ZNF385D: variants seen among roughly 807,000 people sequenced by gnomAD.
ZNF385D encodes zinc finger protein 659.
In ZNF385D, 15 loss-of-function variants were observed where a neutral mutation model predicts 35.8. The observed-to-expected ratio is 0.42, with a 90% confidence interval of 0.28 to 0.64. The LOEUF (loss-of-function observed/expected upper bound fraction) is 0.64, where lower values mean the gene tolerates loss of function less well. Ranked by LOEUF, ZNF385D falls within the 30% of genes least tolerant of loss-of-function variation. ZNF385D has a pLI of 0.23. For missense variants in ZNF385D, 474 were observed against 494.6 expected (o/e 0.96, Z 0.39); for synonymous variants, 212 against 186.8 (o/e 1.13, Z -1.10).
At chr3:21,540,909 T>G (rs1329126613) in intron 3 of ZNF385D, among the ~76,000 whole-genome samples, 1 of 152,164 alleles carries the variant, frequency 6.6e-6, no homozygotes, top group Non-Finnish European at 1.5e-5. Context: ...GACTGCAATC[T>G]TTACCACTAT....
intron 3 of ZNF385D, among the ~76,000 whole-genome samples, chr3:21,946,253 A>C (rs1392468033): frequency 1.3e-5 from 2 of 152,190 alleles, no homozygotes; most frequent in East Asian, 3.8e-4. Flanking sequence ...ACAATTACAG[A>C]AAGTAAAATA....
intron 3 of ZNF385D, among the ~76,000 whole-genome samples, chr3:21,767,528 G>C (rs1000966043): frequency 6.6e-6 from 1 of 151,962 alleles, no homozygotes; most frequent in South Asian, 2.1e-4. Context: ...TCTAGACTAA[G>C]ACTCCTGAAG....
chr3:22,069,475 G>T (rs1700125273), intron 3 of ZNF385D, among the ~76,000 whole-genome samples: 1 of 152,138 alleles, frequency 6.6e-6, no homozygotes, highest in African/African-American at 2.4e-5. Context: ...TAGTGCATAG[G>T]CAATATAAAG....
At chr3:21,748,634 T>C (rs1000843116) in intron 1 of ZNF385D, among the ~76,000 whole-genome samples, 1 of 152,192 alleles carries the variant, frequency 6.6e-6, no homozygotes, top group East Asian at 1.9e-4. Flanking sequence ...CCTTTGTCCC[T>C]GTTCTCCCTG....
intron 3 of ZNF385D, among the ~76,000 whole-genome samples, chr3:21,803,434 A>C (rs113554008): frequency 6.6e-6 from 1 of 152,204 alleles, no homozygotes; most frequent in African/African-American, 2.4e-5. Context: ...ATTGATATTT[A>C]AAATCAAAGT....
intron 2 of ZNF385D, among the ~76,000 whole-genome samples, chr3:22,227,270 G>A (rs1311700856): frequency 6.6e-6 from 1 of 151,864 alleles, no homozygotes; most frequent in African/African-American, 2.4e-5. Context: ...TATGATGTTG[G>A]GGTGCTTTAG....
intron 2 of ZNF385D, among the ~76,000 whole-genome samples, chr3:22,299,936 C>A (rs1305304586): frequency 6.6e-6 from 1 of 151,924 alleles, no homozygotes. Context: ...ATTTCAATGA[C>A]ATTTCTCACA....
At chr3:21,608,631 T>C (rs1393974520) in intron 2 of ZNF385D, among the ~76,000 whole-genome samples, 2 of 152,222 alleles carry the variant, frequency 1.3e-5, no homozygotes, top group African/African-American at 4.8e-5. Context: ...TTCTGACTTA[T>C]ACAAAGAGTT....
rs146466580 is a variant in ZNF385D at position 21,500,079 on chromosome 3, T to C, written c.439+10782A>G. ...CTGAATGCAATTATGATAATTAAAA[T>C]AGCAATTTTATGCTGTCTCTGGGAA... is the stretch of plus-strand genomic sequence containing the variant. On this transcript the variant is annotated intron_variant, in intron 4 of 7. Coordinates refer to ENST00000281523, the MANE Select transcript of ZNF385D (RefSeq NM_024697.3). Among the ~76,000 whole-genome samples, 11 of 152,234 alleles carry C rather than the reference T, an allele frequency of 7.2e-5. No individual in the cohort carries two copies. In the East Asian group the frequency reaches 2.1e-3, roughly 29 times the overall value.
chr3:21,804,830 G>T (rs1376353270), intron 3 of ZNF385D, among the ~76,000 whole-genome samples: 3 of 149,414 alleles, frequency 2.0e-5, no homozygotes, highest in Admixed American at 6.7e-5. Flanking sequence ...TATTTAATAT[G>T]TTGTTTCTAC....
chr3:21,662,688 T>C (rs2066275420), intron 2 of ZNF385D, among the ~76,000 whole-genome samples: 1 of 152,168 alleles, frequency 6.6e-6, no homozygotes, highest in African/African-American at 2.4e-5. Flanking sequence ...TGGAAGGGAA[T>C]AACCAAGGAA....
Position 21,444,779 on chromosome 3 carries a change from T to A in ZNF385D, c.440-7576A>T, listed in dbSNP as rs762703783. 5.5e-4 allele frequency among the ~76,000 whole-genome samples: 83 copies of A among 149,708 alleles called. 2 individuals carry two copies. Among genetic ancestry groups the A allele is most frequent in the Admixed American group, 1.3e-4 (2 of 15,018 alleles). On this transcript the variant is annotated intron_variant, in intron 4 of 7. Transcript: ENST00000281523. ...GTGATTTGAGAGGGCAATGTGAGAA[T>A]GCTTTTATTTTGTAGGATAATTTAT...
chr3:21,705,600 CA>C (rs2067866782), intron 1 of ZNF385D, among the ~76,000 whole-genome samples: 1 of 152,148 alleles, frequency 6.6e-6, no homozygotes, highest in Non-Finnish European at 1.5e-5. Context: ...AGGACTTCCT[CA>C]AAGGTCATTT....
intron 2 of ZNF385D, among the ~76,000 whole-genome samples, chr3:21,596,491 A>T (rs1316916999): frequency 6.6e-6 from 1 of 152,056 alleles, no homozygotes; most frequent in Non-Finnish European, 1.5e-5. Context: ...TTATGAGGAA[A>T]TGAAAGCCAA....
At chr3:21,821,177 GA>G (rs1694199222) in intron 3 of ZNF385D, among the ~76,000 whole-genome samples, 2 of 151,590 alleles carry the variant, frequency 1.3e-5, no homozygotes, top group African/African-American at 4.8e-5. Flanking sequence ...TATGAGACAA[GA>G]ATAGTAGAAG....
At chr3:21,452,762 T>A (rs1445796763) in intron 4 of ZNF385D, among the ~76,000 whole-genome samples, 1 of 152,012 alleles carries the variant, frequency 6.6e-6, no homozygotes, top group Admixed American at 6.6e-5. Flanking sequence ...TACTTAATAC[T>A]GTTAAGATGG....
chr3:21,707,581 T>G (rs553779234), intron 1 of ZNF385D, among the ~76,000 whole-genome samples: 1 of 152,256 alleles, frequency 6.6e-6, no homozygotes, highest in African/African-American at 2.4e-5. Context: ...CCATAAATGC[T>G]CTAAGGAGAA....
chr3:22,369,702 T>A (rs1696812932), intron 2 of ZNF385D, among the ~76,000 whole-genome samples: 1 of 152,178 alleles, frequency 6.6e-6, no homozygotes, highest in Admixed American at 6.5e-5. Flanking sequence ...ATAAATGAGA[T>A]CTGTGACTTA....
intron 1 of ZNF385D, among the ~76,000 whole-genome samples, chr3:21,681,698 G>GAAAAAAAAA (rs5847124): frequency 7.5e-6 from 1 of 133,226 alleles, no homozygotes; most frequent in Non-Finnish European, 1.6e-5. Context: ...AAAAAAAAAC[G>GAAAAAAAAA]AAAAAAAAAA....
Sources: allele counts gnomAD v4.1 joint callset (sites outside exome capture counted in the v4.1 genomes callset), GRCh38; gene constraint gnomAD v4.1.1; transcripts MANE v1.5; gene names NCBI Gene and HGNC (gene_info 2026-07-23, HGNC 2026-07-21).